The following ROBO1 variants were observed in gnomAD, a reference collection of about 807,000 sequenced individuals.
ROBO1 encodes the protein roundabout homolog 1.
Under a neutral mutation model 195.9 loss-of-function variants are expected in ROBO1, and 149 were observed. That is an observed-to-expected ratio of 0.76 (90% confidence interval 0.67 to 0.87). ROBO1 has a LOEUF of 0.87. Ranked by LOEUF, ROBO1 falls within the 40% of genes least tolerant of loss-of-function variation. The probability of loss-of-function intolerance (pLI) is 0.00; values close to 1 mark genes in which losing one functional copy is unlikely to be tolerated. For missense variants in ROBO1, 1,933 were observed against 2,068.3 expected (o/e 0.93, Z 1.27); for synonymous variants, 816 against 733.2 (o/e 1.11, Z -1.82).
chr3:78,651,623 T>C, intron 19 of ROBO1, 109 bp downstream of exon 19: 1 of 838,846 alleles, frequency 1.2e-6, no homozygotes, highest in Non-Finnish European at 1.8e-6. Flanking sequence ...TCTTTATATA[T>C]TAAAACAAGT....
chr3:78,705,773 G>A (rs569426416), intron 8 of ROBO1, among the ~76,000 whole-genome samples: 3 of 152,124 alleles, frequency 2.0e-5, no homozygotes, highest in Non-Finnish European at 4.4e-5. Context: ...CAAATGTGCT[G>A]TCTCTTCTGG....
intron 1 of ROBO1, among the ~76,000 whole-genome samples, chr3:79,691,278 A>C (rs555773409): frequency 6.7e-4 from 102 of 151,974 alleles, no homozygotes; most frequent in South Asian, 3.9e-3. Flanking sequence ...GCCCCTTCCC[A>C]AAATCACTAC....
At chr3:79,762,945 T>G (rs1704792291) in intron 1 of ROBO1, among the ~76,000 whole-genome samples, 1 of 152,084 alleles carries the variant, frequency 6.6e-6, no homozygotes, top group Non-Finnish European at 1.5e-5. Flanking sequence ...TCATAGGGAA[T>G]GAGGCAGAGG....
At chr3:79,717,629 T>C (rs1702542154) in intron 1 of ROBO1, among the ~76,000 whole-genome samples, 1 of 152,046 alleles carries the variant, frequency 6.6e-6, no homozygotes, top group Non-Finnish European at 1.5e-5. Flanking sequence ...AATGGTTACA[T>C]CAGTTGCAAA....
chr3:79,430,695 C>T (rs2038640981), intron 2 of ROBO1, among the ~76,000 whole-genome samples: 1 of 152,094 alleles, frequency 6.6e-6, no homozygotes, highest in South Asian at 2.1e-4. Flanking sequence ...TAACCAATTT[C>T]CATTTTTCCT....
chr3:79,468,593 GAACA>G (rs1307070136), intron 2 of ROBO1, among the ~76,000 whole-genome samples: 28 of 152,086 alleles, frequency 1.8e-4, no homozygotes, highest in African/African-American at 6.0e-4. Flanking sequence ...GAGAGAATTT[GAACA>G]AACAATGGAA....
At chr3:79,502,307 G>T (rs1940122789) in intron 2 of ROBO1, among the ~76,000 whole-genome samples, 1 of 152,172 alleles carries the variant, frequency 6.6e-6, no homozygotes, top group African/African-American at 2.4e-5. Context: ...GCGGGCCAGC[G>T]CGAGTTCCGG....
intron 3 of ROBO1, among the ~76,000 whole-genome samples, chr3:78,944,893 A>T (rs367878859): frequency 6.6e-6 from 1 of 152,150 alleles, no homozygotes; most frequent in Non-Finnish European, 1.5e-5. Context: ...AGGGTCCTAC[A>T]CCCAGGGAGT....
chr3:79,064,457 T>C (rs574796892), intron 3 of ROBO1, among the ~76,000 whole-genome samples: 1 of 152,080 alleles, frequency 6.6e-6, no homozygotes, highest in African/African-American at 2.4e-5. Flanking sequence ...GTCTCTCTAA[T>C]GTTTTTCCTG....
chr3:79,532,874 C>T (rs1268287657), intron 2 of ROBO1: 5 of 181,242 alleles, frequency 2.8e-5, no homozygotes, highest in Admixed American at 1.9e-4. Flanking sequence ...TCCTACACTG[C>T]GAGCAATTCC....
chr3:78,933,687 CAA>C (rs751837597), intron 4 of ROBO1, among the ~76,000 whole-genome samples: 4 of 151,750 alleles, frequency 2.6e-5, no homozygotes, highest in Non-Finnish European at 4.4e-5. Context: ...TGAGTGATAG[CAA>C]AAAAGTCTTC....
At chr3:79,359,669 C>T (rs921420047) in intron 2 of ROBO1, among the ~76,000 whole-genome samples, 9 of 151,960 alleles carry the variant, frequency 5.9e-5, no homozygotes, top group Admixed American at 4.6e-4. Context: ...ATCGAAGCCT[C>T]AGTCATTCAG....
At chr3:78,769,019 G>T (rs1282319898) in intron 4 of ROBO1, among the ~76,000 whole-genome samples, 2 of 152,026 alleles carry the variant, frequency 1.3e-5, no homozygotes, top group Non-Finnish European at 2.9e-5. Context: ...TCCATGGGCT[G>T]TTGAATGCGT....
At chr3:79,135,918 G>A (rs1459418955) in intron 2 of ROBO1, among the ~76,000 whole-genome samples, 4 of 152,118 alleles carry the variant, frequency 2.6e-5, no homozygotes, top group South Asian at 2.1e-4. Context: ...ATTTACAGGC[G>A]TGAGCCACCT....
intron 4 of ROBO1, among the ~76,000 whole-genome samples, chr3:78,771,000 G>A (rs1208637370): frequency 1.3e-5 from 2 of 152,042 alleles, no homozygotes; most frequent in Non-Finnish European, 2.9e-5. Flanking sequence ...ACAGCTGGTT[G>A]AGGCTTTAGT....
At chr3:78,872,212 C>T (rs1349441324) in intron 4 of ROBO1, among the ~76,000 whole-genome samples, 1 of 152,158 alleles carries the variant, frequency 6.6e-6, no homozygotes, top group African/African-American at 2.4e-5. Flanking sequence ...CTTGTTCTGA[C>T]CATCCCCCTC....
At chr3:78,740,977 TATAA>T (rs1255720386) in intron 5 of ROBO1, among the ~76,000 whole-genome samples, 5 of 152,210 alleles carry the variant, frequency 3.3e-5, no homozygotes, top group African/African-American at 1.2e-4. Flanking sequence ...GCAGATCTCA[TATAA>T]ATACACAAAA....
chr3:79,081,436 G>T (rs1407522303), intron 3 of ROBO1, among the ~76,000 whole-genome samples: 1 of 152,162 alleles, frequency 6.6e-6, no homozygotes, highest in Non-Finnish European at 1.5e-5. Context: ...GTAAAGTTCA[G>T]TTCTGGAAAA....
chr3:78,855,503 C>T (rs1334071774), intron 4 of ROBO1, among the ~76,000 whole-genome samples: 1 of 152,160 alleles, frequency 6.6e-6, no homozygotes, highest in African/African-American at 2.4e-5. Context: ...AATGAAACAC[C>T]TCCGCACTGC....
Sources: allele counts gnomAD v4.1 joint callset (sites outside exome capture counted in the v4.1 genomes callset), GRCh38; gene constraint gnomAD v4.1.1; transcripts MANE v1.5; gene names NCBI Gene and HGNC (gene_info 2026-07-23, HGNC 2026-07-21).